Variants in NCS1 observed in about 807,000 individuals in gnomAD.
NCS1 encodes the protein neuronal calcium sensor 1.
In NCS1, 6 loss-of-function variants were observed where a neutral mutation model predicts 28.4. The ratio of observed to expected loss-of-function variants is 0.21; its 90% CI spans 0.12 to 0.42. The LOEUF (loss-of-function observed/expected upper bound fraction) is 0.42. NCS1 is among the 10% of genes least tolerant of loss of function. NCS1 has a pLI of 1.00. For synonymous variants in NCS1, 86 were observed against 99.3 expected, an observed-to-expected ratio of 0.87 and a Z score of 0.79; for missense variants, 131 against 241.4, an observed-to-expected ratio of 0.54 and a Z score of 3.03.
At chr9:130,212,447 C>T (rs1833125664) in intron 2 of NCS1, among the ~76,000 whole-genome samples, 1 of 150,252 alleles carries the variant, frequency 6.7e-6, no homozygotes, top group Non-Finnish European at 1.5e-5. Flanking sequence ...GCCTGCACGA[C>T]AGCGACCTGG....
At chr9:130,221,943 T>A (rs1833315267) in intron 4 of NCS1, among the ~76,000 whole-genome samples, 1 of 99,164 alleles carries the variant, frequency 1.0e-5, no homozygotes, top group Admixed American at 1.4e-4. Context: ...TATGTATATA[T>A]AAATATATAT....
rs1475495499 is a variant in NCS1, at chr9:130,172,527, G to A, written c.-137G>A. On this transcript the variant is annotated 5_prime_UTR_variant, in exon 1 of 8. Coordinates refer to ENST00000372398, the MANE Select transcript of NCS1 (RefSeq NM_014286.4). ...GCCGCCCCACGCCCCGGGCGCCCCG[G>A]CGCCGACAGCCGCGCAGCGCAGCGC... The A allele has an allele frequency of 4.0e-6, 1 of 249,430 alleles. No homozygotes were observed. The highest frequency in any genetic ancestry group is 1.5e-4 in the South Asian group (1 of 6,880). 15.5% of individuals were successfully genotyped at this position (249,430 alleles called of 1,614,324 possible).
chr9:130,184,629 T>C (rs1468297014), intron 1 of NCS1, among the ~76,000 whole-genome samples: 1 of 151,928 alleles, frequency 6.6e-6, no homozygotes, highest in African/African-American at 2.4e-5. Context: ...CTTTTTTTCT[T>C]TTTCTTTTTT....
Position 130,236,487 on chromosome 9 carries a change from C to A in NCS1, c.*3515C>A, listed in dbSNP as rs1833596666. 6.6e-6 allele frequency: 1 copy of A among 151,858 alleles called. No homozygotes were observed. Among genetic ancestry groups the A allele is most frequent in the Non-Finnish European group, 1.5e-5 (1 of 68,000 alleles). 9.4% of individuals were successfully genotyped at this position (151,858 alleles called of 1,614,324 possible). ...GTTTCCCAGACACCCCTCTGCTAGG[C>A]CATCCCTGGATAGCAAGTGAATTAA... On this transcript the variant is annotated 3_prime_UTR_variant, in exon 8 of 8. Coordinates refer to ENST00000372398, the MANE Select transcript of NCS1 (RefSeq NM_014286.4).
intron 1 of NCS1, among the ~76,000 whole-genome samples, chr9:130,185,136 G>T (rs189407798): frequency 1.3e-5 from 2 of 152,312 alleles, no homozygotes; most frequent in African/African-American, 2.4e-5. Flanking sequence ...CTACTTCCAG[G>T]GGGGATGTCC....
chr9:130,218,453 A>G (rs1554909703), intron 3 of NCS1, among the ~76,000 whole-genome samples: 1 of 152,256 alleles, frequency 6.6e-6, no homozygotes, highest in East Asian at 1.9e-4. Context: ...TACAGTGCAC[A>G]ACACACATGC....
chr9:130,190,616 CG>C (rs2131126410), intron 1 of NCS1, among the ~76,000 whole-genome samples: 1 of 152,340 alleles, frequency 6.6e-6, no homozygotes, highest in Middle Eastern at 3.4e-3. Flanking sequence ...CCAGCACCAA[CG>C]GCACTTTGTT....
At chr9:130,231,549 A>T (rs1488191184) in intron 7 of NCS1, among the ~76,000 whole-genome samples, 2 of 151,482 alleles carry the variant, frequency 1.3e-5, no homozygotes, top group African/African-American at 4.8e-5. Flanking sequence ...ACGCCCAGCT[A>T]ATTTTTGTAT....
At chr9:130,198,882 C>T (rs1832907491) in intron 1 of NCS1, among the ~76,000 whole-genome samples, 1 of 152,176 alleles carries the variant, frequency 6.6e-6, no homozygotes, top group Admixed American at 6.5e-5. Flanking sequence ...ATCCGCCCCA[C>T]AGCCCCAGCT....
chr9:130,189,588 T>C (rs1172310891), intron 1 of NCS1, among the ~76,000 whole-genome samples: 1 of 152,030 alleles, frequency 6.6e-6, no homozygotes, highest in Non-Finnish European at 1.5e-5. Flanking sequence ...ACGCCTGTAA[T>C]CCCAGGACTT....
chr9:130,230,341 ACT>A (rs1833483977), intron 7 of NCS1, among the ~76,000 whole-genome samples: 1 of 152,010 alleles, frequency 6.6e-6, no homozygotes, highest in African/African-American at 2.4e-5. Flanking sequence ...ACAGAGTGAG[ACT>A]CTGTCTGAAA....
At position 130,213,566 on chromosome 9, in the gene NCS1, AC is replaced by A. The variant is rs1833142833; in HGVS notation, c.90-4264del. Among the ~76,000 whole-genome samples, 4 of 150,620 alleles carry A rather than the reference AC, an allele frequency of 2.7e-5. No individual in the cohort carries two copies. In the South Asian group the frequency reaches 8.4e-4, roughly 32 times the overall value. ...AGTGCTGGGATTACAGGTGTGAGTC[AC>A]CACGCCTGGCCCACCGGTTTTCTTT... On this transcript the variant is annotated intron_variant, in intron 2 of 7. Transcript: ENST00000372398.
chr9:130,192,646 A>C lies in NCS1; in HGVS notation c.65-8312A>C, dbSNP rs1196948528. ...GGCAGCCAGGACTCCCTGCCCACCC[A>C]GGAACACCAGCATATATCCCCGGGG... On this transcript the variant is annotated intron_variant, in intron 1 of 7. Transcript: ENST00000372398. The surrounding 1 kb of genome is among the most constrained non-coding windows in gnomAD (Gnocchi z 4.8). Among the ~76,000 whole-genome samples, 6 of 152,068 alleles carry C rather than the reference A, an allele frequency of 3.9e-5. No homozygotes were observed. Among genetic ancestry groups the C allele is most frequent in the African/African-American group, 1.4e-4 (6 of 41,406 alleles).
intron 2 of NCS1, among the ~76,000 whole-genome samples, chr9:130,201,988 G>A (rs75835785): frequency 0.014 from 2,149 of 152,162 alleles, 25 homozygotes; most frequent in Admixed American, 0.022. Context: ...AGCCCAAGTC[G>A]CCTCCACCAT....
At position 130,180,090 on chromosome 9, in the gene NCS1, A is replaced by G. The variant is rs1376456210; in HGVS notation, c.64+7363A>G. Among the ~76,000 whole-genome samples, 1 of 152,050 alleles carries G rather than the reference A, an allele frequency of 6.6e-6. No individual in the cohort carries two copies. Among genetic ancestry groups the G allele is most frequent in the Non-Finnish European group, 1.5e-5 (1 of 68,024 alleles). On this transcript the variant is annotated intron_variant, in intron 1 of 7. Coordinates refer to ENST00000372398, the MANE Select transcript of NCS1 (RefSeq NM_014286.4). This position sits in a 1 kb window ranked among gnomAD's most constrained non-coding sequence, Gnocchi z 4.5. ...ACTTCCGTCACCCAGGCTAGAGTGC[A>G]GTGGCGCGATCTCGGCTCACTATAA...
chr9:130,208,061 G>A (rs1029982792), intron 2 of NCS1, among the ~76,000 whole-genome samples: 1 of 152,076 alleles, frequency 6.6e-6, no homozygotes, highest in African/African-American at 2.4e-5. Context: ...CTGTAAAGGT[G>A]ACTGTGAGCT....
intron 4 of NCS1, among the ~76,000 whole-genome samples, chr9:130,222,448 C>T (rs1833344107): frequency 6.6e-6 from 1 of 152,044 alleles, no homozygotes. Flanking sequence ...CCACCATGCC[C>T]AGCCTTATTT....
intron 1 of NCS1, among the ~76,000 whole-genome samples, chr9:130,199,260 AT>A (rs1832912737): frequency 1.3e-5 from 2 of 151,944 alleles, no homozygotes; most frequent in South Asian, 4.1e-4. Flanking sequence ...TGCCTGGCTA[AT>A]TTTTTGTATT....
intron 3 of NCS1, 113 bp downstream of exon 3, chr9:130,218,083 C>G: frequency 2.2e-6 from 3 of 1,338,664 alleles, no homozygotes; most frequent in Admixed American, 3.4e-5. Flanking sequence ...AAGGAACACA[C>G]ACACGAGTGC....
Sources: allele counts gnomAD v4.1 joint callset (sites outside exome capture counted in the v4.1 genomes callset), GRCh38; gene constraint gnomAD v4.1.1; non-coding constraint Gnocchi (gnomAD v3.1); transcripts MANE v1.5; gene names NCBI Gene and HGNC (gene_info 2026-07-23, HGNC 2026-07-21).